Variants in HNRNPK observed in about 807,000 individuals in gnomAD.
HNRNPK encodes heterogeneous nuclear ribonucleoprotein K.
In HNRNPK, 7 loss-of-function variants were observed where a neutral mutation model predicts 67.0. The ratio of observed to expected loss-of-function variants is 0.10; its 90% confidence interval spans 0.06 to 0.20. The LOEUF is 0.20. Ranked by LOEUF, HNRNPK falls within the 10% of genes least tolerant of loss-of-function variation. The pLI, the probability that HNRNPK is intolerant of heterozygous loss-of-function variation, is 1.00. For missense variants in HNRNPK, 264 were observed against 606.5 expected (o/e 0.44, Z 5.93); for synonymous variants, 213 against 193.7 (o/e 1.10, Z -0.83).
At chr9:83,971,480 T>C (rs563816090) in intron 12 of HNRNPK, 124 bp from the exon 13 acceptor site, 83 of 807,326 alleles carry the variant, frequency 1.0e-4, no homozygotes, top group Non-Finnish European at 5.7e-5. Context: ...AGCAATTTTG[T>C]AATCGAGGGG....
rs11140315 is a variant in HNRNPK at position 83,978,149 on chromosome 9, A to G, written c.58+46T>C. On this transcript the variant is annotated intron_variant, in intron 3 of 16. Coordinates refer to ENST00000376263, the MANE Select transcript of HNRNPK (RefSeq NM_031263.4). The stretch of plus-strand genomic sequence containing the variant: ...AATAATTAACAGAAAAAGGCAATTT[A>G]TTAACAGGATAAAAAAATACTGTTA... The G allele has an allele frequency of 4.5e-5, 57 of 1,262,132 alleles. No individual in the cohort carries two copies. In the East Asian group the frequency reaches 1.3e-3, roughly 29 times the overall value. The allele number at this position is 1,262,132 out of a possible 1,614,324, so 78.2% of individuals were successfully genotyped here.
At chr9:83,978,319 G>C in intron 2 of HNRNPK, 40 bp from the exon 3 acceptor site, 4 of 1,480,728 alleles carry the variant, frequency 2.7e-6, no homozygotes, top group Non-Finnish European at 3.6e-6. Flanking sequence ...TGGCTTATTG[G>C]AAAGCAAGCT....
chr9:83,977,576 A>AATGTTTT lies in HNRNPK; in HGVS notation c.156+106_156+112dup, dbSNP rs1957128758. The AATGTTTT allele has an allele frequency of 4.8e-6, 3 of 624,900 alleles. 1 individual carries two copies. Among genetic ancestry groups the AATGTTTT allele is most frequent in the Non-Finnish European group, 2.8e-6 (1 of 361,858 alleles). 38.7% of individuals were successfully genotyped at this position (624,900 alleles called of 1,614,324 possible). On this transcript the variant is annotated intron_variant, in intron 4 of 16. Transcript: ENST00000376263. The stretch of plus-strand genomic sequence containing the variant: ...CTTCAAGTCTGTTTAGAAAGAACCA[A>AATGTTTT]ATGTTTTATATTCTTCAATCTGTAA...
chr9:83,978,014 T>C (rs969729619), intron 3 of HNRNPK, among the ~76,000 whole-genome samples, 181 bp downstream of exon 3: 3 of 152,226 alleles, frequency 2.0e-5, no homozygotes, highest in African/African-American at 4.8e-5. Context: ...AAATTCTTTA[T>C]ATGCAAATCA....
intron 6 of HNRNPK, 30 bp from the exon 7 acceptor site, chr9:83,974,619 C>CA: frequency 1.3e-6 from 2 of 1,517,746 alleles, no homozygotes; most frequent in Non-Finnish European, 1.8e-6. Flanking sequence ...CCAGATAGTA[C>CA]AAAAAAGGTG....
chr9:83,972,220 C>T (rs780848980), intron 10 of HNRNPK, 31 bp from the exon 11 acceptor site: 4 of 1,515,584 alleles, frequency 2.6e-6, no homozygotes, highest in South Asian at 2.5e-5. Flanking sequence ...AACTTACAGA[C>T]TGAAGAAAAA....
rs745683288 is a variant in HNRNPK at position 83,973,425 on chromosome 9, T to C, written c.403-26A>G. The C allele has an allele frequency of 1.0e-5, 14 of 1,345,042 alleles. No homozygotes were observed. The Admixed American group carries it at 2.4e-4, about 23-fold the overall frequency. 83.3% of individuals were successfully genotyped at this position (1,345,042 alleles called of 1,614,324 possible). On this transcript the variant is annotated intron_variant, in intron 8 of 16. Coordinates refer to ENST00000376263, the MANE Select transcript of HNRNPK (RefSeq NM_031263.4). ...CTGTGGAGGGAGAATTATAAAATTT[T>C]AGTCTCAAATCAACAATTCCCCAAT...
rs1204204481 is a variant in HNRNPK, at chr9:83,980,163, T to G, written c.-118A>C. On this transcript the variant is annotated 5_prime_UTR_variant, in exon 1 of 17. Transcript: ENST00000376263. Reference sequence around the variant, plus strand: ...AACCCGGCTCCTCACCGCGCGAGACTGCCGTCCCTCCGCTGCCGCGCCGCC... The same window carrying G: ...AACCCGGCTCCTCACCGCGCGAGACGGCCGTCCCTCCGCTGCCGCGCCGCC... The G allele has an allele frequency of 6.6e-6, 1 of 152,358 alleles. No individual in the cohort carries two copies. Among genetic ancestry groups the G allele is most frequent in the African/African-American group, 2.4e-5 (1 of 41,448 alleles). The allele number at this position is 152,358 out of a possible 1,614,324, so 9.4% of individuals were successfully genotyped here.
At chr9:83,970,858 A>T in intron 14 of HNRNPK, 39 bp from the exon 15 acceptor site, 1 of 1,609,738 alleles carries the variant, frequency 6.2e-7, no homozygotes, top group Non-Finnish European at 8.5e-7. Flanking sequence ...TTTAAAAAGT[A>T]TGAAATTAAT....
intron 9 of HNRNPK, 122 bp from the exon 10 acceptor site, chr9:83,973,094 A>G: frequency 1.3e-6 from 1 of 786,320 alleles, no homozygotes; most frequent in Non-Finnish European, 2.0e-6. Context: ...TTCATTAATT[A>G]TCACAGGGCT....
At chr9:83,969,711 T>C (rs757295251) in intron 16 of HNRNPK, 15 of 625,366 alleles carry the variant, frequency 2.4e-5, no homozygotes, top group Non-Finnish European at 4.5e-5. Context: ...GCTAGTAAGG[T>C]GTGAAATGCT....
In HNRNPK at chr9:83,970,723, T is replaced by TTAAAG. The variant is rs767805806; in HGVS notation, c.1191+9_1191+13dup. 2.9e-6 allele frequency: 4 copies of TTAAAG among 1,392,466 alleles called. No homozygotes were observed. In the South Asian group the frequency reaches 4.7e-5, roughly 16 times the overall value. The allele number at this position is 1,392,466 out of a possible 1,614,324, so 86.3% of individuals were successfully genotyped here. A position where few individuals can be genotyped will look rare whatever the true frequency, so the allele number is the denominator to read the frequency against. On this transcript the variant is annotated intron_variant, in intron 15 of 16. Transcript: ENST00000376263. Reference sequence around the variant, plus strand: ...AAGTGATAAAATGTTCCTGGTAGTATTAAAGATACTTACATCTTTGGGAAT... The same window carrying TTAAAG: ...AAGTGATAAAATGTTCCTGGTAGTATTAAAGTAAAGATACTTACATCTTTGGGAAT...
chr9:83,971,569 T>A (rs1008277342), intron 12 of HNRNPK, 103 bp downstream of exon 12: 4 of 988,224 alleles, frequency 4.0e-6, no homozygotes, highest in African/African-American at 1.6e-5. Context: ...AAAATTTACT[T>A]GTAAGAAAAA....
intron 1 of HNRNPK, among the ~76,000 whole-genome samples, chr9:83,979,826 C>T (rs1169281558): frequency 6.6e-6 from 1 of 152,292 alleles, no homozygotes; most frequent in East Asian, 1.9e-4. Flanking sequence ...CAAGGTGAGG[C>T]GGGGCTCACA....
chr9:83,979,930 T>C (rs141841317), intron 1 of HNRNPK, among the ~76,000 whole-genome samples: 235 of 152,316 alleles, frequency 1.5e-3, no homozygotes, highest in African/African-American at 5.2e-3. Context: ...CAGCTCATCC[T>C]AGAGGCACAT....
chr9:83,972,420 A>C, intron 10 of HNRNPK: 1 of 534,232 alleles, frequency 1.9e-6, no homozygotes, highest in Non-Finnish European at 3.3e-6. Flanking sequence ...CTATACAGGG[A>C]GAAGTAATAG....
At chr9:83,973,454 C>A (rs1956945601) in intron 8 of HNRNPK, 55 bp from the exon 9 acceptor site, 3 of 923,098 alleles carry the variant, frequency 3.2e-6, no homozygotes, top group Non-Finnish European at 1.8e-6. Context: ...CCCCAATACA[C>A]ACTTATCTGC....
intron 15 of HNRNPK, 23 bp from the exon 16 acceptor site, chr9:83,970,354 T>C (rs1317427653): frequency 6.3e-7 from 1 of 1,590,340 alleles, no homozygotes; most frequent in African/African-American, 1.3e-5. Flanking sequence ...TTTAAAAGTA[T>C]GTGTTTACGA....
intron 5 of HNRNPK, 191 bp downstream of exon 5, chr9:83,976,804 C>T: frequency 4.5e-6 from 2 of 443,698 alleles, no homozygotes; most frequent in East Asian, 3.4e-5. Flanking sequence ...AAACCACCCC[C>T]CCACCCTGCT....
Sources: allele counts gnomAD v4.1 joint callset (sites outside exome capture counted in the v4.1 genomes callset), GRCh38; gene constraint gnomAD v4.1.1; transcripts MANE v1.5; gene names NCBI Gene and HGNC (gene_info 2026-07-23, HGNC 2026-07-21).